Variants in TMEM132D observed in about 807,000 individuals in gnomAD.
The protein encoded by TMEM132D is mature OL transmembrane protein.
In TMEM132D, 21 loss-of-function variants were observed where a neutral mutation model predicts 62.3. That is an observed-to-expected ratio of 0.34 (90% CI 0.24 to 0.49). The LOEUF (loss-of-function observed/expected upper bound fraction) is 0.49, where lower values mean the gene tolerates loss of function less well. Ranked by LOEUF, TMEM132D falls within the 20% of genes least tolerant of loss-of-function variation. The pLI is 0.99. For synonymous variants in TMEM132D, 621 were observed against 575.6 expected, an observed-to-expected ratio of 1.08 and a Z score of -1.13; for missense variants, 1,346 against 1,402.8, an observed-to-expected ratio of 0.96 and a Z score of 0.65.
Position 129,450,750 on chromosome 12 carries a change from C to CTTT in TMEM132D, c.1115+80306_1115+80308dup, listed in dbSNP as rs869041495. 6.7e-3 allele frequency among the ~76,000 whole-genome samples: 682 copies of CTTT among 102,514 alleles called. 17 individuals are homozygous for CTTT. Among genetic ancestry groups the CTTT allele is most frequent in the African/African-American group, 0.017 (427 of 25,608 alleles). The allele number at this position is 102,514 out of a possible 152,430, so 67.3% of individuals were successfully genotyped here. A position where few individuals can be genotyped will look rare whatever the true frequency, so the allele number is the denominator to read the frequency against. ...CAGCAACCAAAAGTTTCCATCGCTTCTTTTTTTTTTTTTTTTTTTTTTTTG... is the reference window on the plus strand; with the variant it reads ...CAGCAACCAAAAGTTTCCATCGCTTCTTTTTTTTTTTTTTTTTTTTTTTTTTTG... On this transcript the variant is annotated intron_variant, in intron 3 of 8. Coordinates refer to ENST00000422113, the MANE Select transcript of TMEM132D (RefSeq NM_133448.3).
At chr12:129,094,765 A>G (rs999168792) in intron 5 of TMEM132D, among the ~76,000 whole-genome samples, 1 of 152,200 alleles carries the variant, frequency 6.6e-6, no homozygotes, top group African/African-American at 2.4e-5. Context: ...CACAATAGCA[A>G]AGACTTGGAA....
intron 5 of TMEM132D, among the ~76,000 whole-genome samples, chr12:129,155,801 A>G (rs1025598450): frequency 3.9e-5 from 6 of 152,066 alleles, no homozygotes; most frequent in African/African-American, 1.4e-4. Context: ...AACCCACTCC[A>G]CAAATAACCA....
At chr12:129,567,436 TAGTATTAAAAA>T (rs1877398233) in intron 2 of TMEM132D, among the ~76,000 whole-genome samples, 1 of 152,220 alleles carries the variant, frequency 6.6e-6, no homozygotes, top group Admixed American at 6.5e-5. Flanking sequence ...AGTTTTAGTG[TAGTATTAAAAA>T]AGTATATATG....
intron 2 of TMEM132D, among the ~76,000 whole-genome samples, chr12:129,570,131 A>T (rs1877472446): frequency 6.6e-6 from 1 of 152,240 alleles, no homozygotes; most frequent in Admixed American, 6.5e-5. Flanking sequence ...AGCACATGTC[A>T]GCAGACCAGT....
intron 3 of TMEM132D, among the ~76,000 whole-genome samples, chr12:129,422,975 C>T (rs915925541): frequency 4.0e-5 from 6 of 151,620 alleles, no homozygotes; most frequent in Non-Finnish European, 8.8e-5. Context: ...AAGTAAGCCA[C>T]AGTGGAACAA....
intron 1 of TMEM132D, among the ~76,000 whole-genome samples, chr12:129,778,936 A>G (rs1019374276): frequency 7.2e-5 from 11 of 152,228 alleles, no homozygotes; most frequent in Non-Finnish European, 7.3e-5. Context: ...GATAAAGGCT[A>G]TGTGAGCAAA....
intron 2 of TMEM132D, among the ~76,000 whole-genome samples, chr12:129,578,475 G>T (rs1877746314): frequency 6.7e-6 from 1 of 148,890 alleles, no homozygotes; most frequent in Admixed American, 6.8e-5. Context: ...TTATATATAG[G>T]GGATAATAAA....
chr12:129,686,283 G>A (rs1880915084), intron 2 of TMEM132D, among the ~76,000 whole-genome samples: 1 of 152,108 alleles, frequency 6.6e-6, no homozygotes, highest in African/African-American at 2.4e-5. Flanking sequence ...GGACCCGGTG[G>A]GAGTAAGTGA....
intron 5 of TMEM132D, among the ~76,000 whole-genome samples, chr12:129,130,126 G>A (rs141444334): frequency 6.8e-6 from 1 of 146,902 alleles, no homozygotes; most frequent in African/African-American, 2.5e-5. Context: ...TCACTGTGAT[G>A]TGTCCCTGGA....
intron 5 of TMEM132D, among the ~76,000 whole-genome samples, chr12:129,125,958 T>A (rs1182565453): frequency 1.3e-5 from 2 of 152,152 alleles, no homozygotes; most frequent in Non-Finnish European, 2.9e-5. Context: ...TTTTCCTAAT[T>A]TTCCTGCAAG....
intron 3 of TMEM132D, among the ~76,000 whole-genome samples, chr12:129,354,984 G>C (rs532666470): frequency 6.6e-6 from 1 of 152,318 alleles, no homozygotes; most frequent in Admixed American, 6.5e-5. Flanking sequence ...CCCAGAAACT[G>C]ATATGAATGC....
chr12:129,439,860 G>T (rs1459098130), intron 3 of TMEM132D, among the ~76,000 whole-genome samples: 1 of 152,120 alleles, frequency 6.6e-6, no homozygotes, highest in East Asian at 1.9e-4. Flanking sequence ...ATCAGGCTTG[G>T]ATGTGTGCTT....
rs1051496332 is a variant in TMEM132D at position 129,827,688 on chromosome 12, T to C, written c.79+75573A>G. 1.3e-5 allele frequency among the ~76,000 whole-genome samples: 2 copies of C among 152,124 alleles called. No homozygotes were observed. The highest frequency in any genetic ancestry group is 2.9e-5 in the Non-Finnish European group (2 of 68,022). ...CAAACAAATTCCAGCAAGTCTCAAG[T>C]GTAAAAAGGTGTCTGAGGAAGTTCT... On this transcript the variant is annotated intron_variant, in intron 1 of 8. Coordinates refer to ENST00000422113, the MANE Select transcript of TMEM132D (RefSeq NM_133448.3). This position sits in a 1 kb window ranked among gnomAD's most constrained non-coding sequence, Gnocchi z 9.7.
chr12:129,330,867 G>T (rs1869080943), intron 4 of TMEM132D, among the ~76,000 whole-genome samples: 1 of 152,172 alleles, frequency 6.6e-6, no homozygotes, highest in South Asian at 2.1e-4. Flanking sequence ...GACGAGGAAG[G>T]ACTTAGAGTG....
intron 5 of TMEM132D, among the ~76,000 whole-genome samples, chr12:129,101,579 TCA>T (rs1280585334): frequency 2.0e-5 from 3 of 152,170 alleles, no homozygotes; most frequent in Non-Finnish European, 4.4e-5. Flanking sequence ...CTGAAACTCC[TCA>T]CAGTCAGAGC....
At chr12:129,525,527 A>G (rs1876004304) in intron 3 of TMEM132D, among the ~76,000 whole-genome samples, 1 of 152,144 alleles carries the variant, frequency 6.6e-6, no homozygotes, top group Non-Finnish European at 1.5e-5. Flanking sequence ...TGTGTGCTGC[A>G]TATACTACAT....
intron 2 of TMEM132D, among the ~76,000 whole-genome samples, chr12:129,617,544 C>A (rs887544232): frequency 6.7e-6 from 1 of 150,102 alleles, no homozygotes; most frequent in Non-Finnish European, 1.5e-5. Flanking sequence ...TTGTATATAC[C>A]ATTCCTGAGG....
chr12:129,385,451 C>T (rs1189955239), intron 3 of TMEM132D, among the ~76,000 whole-genome samples: 2 of 152,070 alleles, frequency 1.3e-5, no homozygotes, highest in East Asian at 1.9e-4. Flanking sequence ...TACTAGGACA[C>T]TTAGAGGAAA....
In TMEM132D at chr12:129,448,779, C is replaced by T. The variant is rs115425275; in HGVS notation, c.1115+82280G>A. ...AACACTTGCCCTGCGTGTTAACAGC[C>T]ATGAGTTCTACCATGTCTGCTCATC... On this transcript the variant is annotated intron_variant, in intron 3 of 8. Transcript: ENST00000422113. 1.8e-3 allele frequency among the ~76,000 whole-genome samples: 273 copies of T among 152,288 alleles called. 1 individual carries two copies. The highest frequency in any genetic ancestry group is 6.2e-3 in the African/African-American group (257 of 41,552).
Sources: gnomAD v4.1 joint callset for allele counts (sites outside exome capture counted in the v4.1 genomes callset) on GRCh38, gnomAD v4.1.1 for gene constraint, Gnocchi (gnomAD v3.1) non-coding constraint, MANE v1.5 for transcripts, NCBI Gene and HGNC (gene_info 2026-07-23, HGNC 2026-07-21) for gene names.